The following DRG1 variants were observed in gnomAD, a reference collection of about 807,000 sequenced individuals.
DRG1 encodes the protein developmentally regulated GTP binding protein 1.
A neutral mutation model predicts 38.8 loss-of-function variants in DRG1; 19 were observed. The observed-to-expected ratio is 0.49, with a 90% confidence interval of 0.34 to 0.72. The LOEUF (loss-of-function observed/expected upper bound fraction) is 0.72, where lower values mean the gene tolerates loss of function less well. Ranked by LOEUF, DRG1 falls within the 30% of genes least tolerant of loss-of-function variation. The probability of loss-of-function intolerance (pLI) is 0.01; values close to 1 mark genes in which losing one functional copy is unlikely to be tolerated. For synonymous variants in DRG1, 167 were observed against 157.5 expected, an observed-to-expected ratio of 1.06 and a Z score of -0.45; for missense variants, 299 against 444.8, an observed-to-expected ratio of 0.67 and a Z score of 2.95.
rs529935656 is a variant in DRG1 at position 31,433,933 on chromosome 22, T to C, written c.1066T>C (p.Leu356=). The C allele has an allele frequency of 2.5e-6, 4 of 1,614,024 alleles. 1 individual carries two copies. Among genetic ancestry groups the C allele is most frequent in the Non-Finnish European group, 3.4e-6 (4 of 1,179,942 alleles). Residue 356 remains leucine, a synonymous_variant, in exon 9 of 9, where the codon TTG becomes CTG. Coordinates refer to ENST00000331457, the MANE Select transcript of DRG1 (RefSeq NM_004147.4). The part of the protein sequence containing the change: ...NPQKVGKDHT[L]EDEDVIQIVK... The stretch of plus-strand genomic sequence containing the variant: ...TCAGAAAGTGGGTAAAGACCATACG[T>C]TGGAGGATGAGGATGTCATTCAAAT...
chr22:31,424,618 C>G (rs2050097882), intron 6 of DRG1, among the ~76,000 whole-genome samples: 1 of 150,314 alleles, frequency 6.7e-6, no homozygotes, highest in Admixed American at 6.7e-5. Context: ...TCGGCCTCAG[C>G]CCCCTGAGTA....
chr22:31,429,089 T>G (rs1402642104), intron 8 of DRG1, among the ~76,000 whole-genome samples: 1 of 152,148 alleles, frequency 6.6e-6, no homozygotes, highest in Admixed American at 6.6e-5. Context: ...TCTCTTCAAA[T>G]TTTTGCCTGC....
intron 3 of DRG1, among the ~76,000 whole-genome samples, chr22:31,408,089 G>T (rs182671988): frequency 2.1e-3 from 304 of 143,562 alleles, no homozygotes; most frequent in Middle Eastern, 3.6e-3. Context: ...TCACACCACC[G>T]CACTCCAGCC....
chr22:31,411,382 G>A (rs2145862099), intron 4 of DRG1, among the ~76,000 whole-genome samples: 1 of 152,226 alleles, frequency 6.6e-6, no homozygotes, highest in South Asian at 2.1e-4. Flanking sequence ...CATTTTATAT[G>A]GCTGTCGTCT....
At position 31,400,698 on chromosome 22, in the gene DRG1, G is replaced by T. The variant is rs890578365; in HGVS notation, c.121G>T (p.Glu41Ter). 1 of 1,613,456 alleles carries T rather than the reference G, an allele frequency of 6.2e-7. No individual in the cohort carries two copies. Among genetic ancestry groups the T allele is most frequent in the South Asian group, 1.1e-5 (1 of 91,048 alleles). The part of the protein sequence containing the change: ...LKARLAKLRR[E>*]LITPKGGGGG... ...GGCTCGTCTTGCTAAGCTTCGTCGAGAACTCATTACTCCAAAGGGTGGTGG... is the reference window on the plus strand; with the variant it reads ...GGCTCGTCTTGCTAAGCTTCGTCGATAACTCATTACTCCAAAGGGTGGTGG... Residue 41 changes from glutamate to a stop codon, truncating the protein, a stop_gained, in exon 2 of 9, where the codon GAA becomes TAA. Transcript: ENST00000331457. LOFTEE classifies it high-confidence loss of function.
At chr22:31,423,733 G>A (rs181972672) in intron 6 of DRG1, among the ~76,000 whole-genome samples, 275 of 151,812 alleles carry the variant, frequency 1.8e-3, no homozygotes, top group Non-Finnish European at 3.1e-3. Context: ...CATCATGTTG[G>A]CCAGGCTGGT....
Position 31,399,691 on chromosome 22 carries a change from G to C in DRG1, c.8G>C (p.Ser3Thr). The C allele has an allele frequency of 6.2e-7, 1 of 1,614,054 alleles. No homozygotes were observed. Among genetic ancestry groups the C allele is most frequent in the Non-Finnish European group, 8.5e-7 (1 of 1,179,898 alleles). Reference protein sequence around the residue: MSSTLAKIAEIEA... With the variant: MSTTLAKIAEIEA... ...CACAGGGTACTCGCCACGATGAGCAGCACCTTAGCTAAGATCGCGGAGATA... is the reference window on the plus strand; with the variant it reads ...CACAGGGTACTCGCCACGATGAGCACCACCTTAGCTAAGATCGCGGAGATA... Residue 3 changes from serine to threonine, a missense_variant, in exon 1 of 9, where the codon AGC becomes ACC. By Grantham distance (58) the Ser-to-Thr change is moderately conservative. Around this residue, in one of 3 missense-constraint regions of DRG1, gnomAD observed 51 missense variants for 56.1 expected, o/e 0.91. Coordinates refer to ENST00000331457, the MANE Select transcript of DRG1 (RefSeq NM_004147.4).
chr22:31,432,016 A>G (rs902409226), intron 8 of DRG1, among the ~76,000 whole-genome samples: 10 of 151,448 alleles, frequency 6.6e-5, no homozygotes, highest in Admixed American at 2.6e-4. Context: ...CGAAGCAAAC[A>G]GGATTTTATT....
chr22:31,422,533 A>T (rs927732605), intron 5 of DRG1, among the ~76,000 whole-genome samples: 1 of 152,202 alleles, frequency 6.6e-6, no homozygotes, highest in Non-Finnish European at 1.5e-5. Context: ...AAGCCAAGTA[A>T]AGTGTTTCAC....
At chr22:31,417,001 C>T (rs937501178) in intron 4 of DRG1, among the ~76,000 whole-genome samples, 1 of 149,034 alleles carries the variant, frequency 6.7e-6, no homozygotes, top group Non-Finnish European at 1.5e-5. Context: ...GGAGGTCAAT[C>T]TGCAGTGAGC....
intron 7 of DRG1, 74 bp from the exon 8 acceptor site, chr22:31,426,986 A>T: frequency 6.3e-7 from 1 of 1,592,328 alleles, no homozygotes; most frequent in South Asian, 1.1e-5. Flanking sequence ...GTCAGGGGTG[A>T]TGGAGGGTTG....
chr22:31,400,032 ATGT>A (rs1017336817), intron 1 of DRG1, among the ~76,000 whole-genome samples: 5 of 151,498 alleles, frequency 3.3e-5, no homozygotes, highest in Admixed American at 1.3e-4. Flanking sequence ...TCCTGTTCTG[ATGT>A]TGTTTCTTTC....
chr22:31,415,642 G>A (rs926502635), intron 4 of DRG1, among the ~76,000 whole-genome samples: 1 of 152,112 alleles, frequency 6.6e-6, no homozygotes, highest in African/African-American at 2.4e-5. Flanking sequence ...GATTACAGGT[G>A]TGAGCACCTG....
intron 8 of DRG1, among the ~76,000 whole-genome samples, chr22:31,430,835 C>G (rs1315978020): frequency 6.6e-6 from 1 of 152,044 alleles, no homozygotes; most frequent in African/African-American, 2.4e-5. Flanking sequence ...CCTCCTACCT[C>G]AGTTTCTGAA....
chr22:31,432,462 G>C (rs2050144985), intron 8 of DRG1, among the ~76,000 whole-genome samples: 1 of 149,924 alleles, frequency 6.7e-6, no homozygotes, highest in African/African-American at 2.5e-5. Flanking sequence ...GAGAGACTCA[G>C]TCGCCCAGGC....
intron 4 of DRG1, among the ~76,000 whole-genome samples, chr22:31,414,796 T>C (rs796280286): frequency 6.6e-6 from 1 of 151,008 alleles, no homozygotes; most frequent in Non-Finnish European, 1.5e-5. Context: ...TTTTTTTTTT[T>C]AGAGATAGGA....
rs763438945 is a variant in DRG1, at chr22:31,426,775, G to T, written c.874G>T (p.Val292Leu). The T allele has an allele frequency of 1.9e-6, 3 of 1,613,896 alleles. No individual in the cohort carries two copies. In the African/African-American group the frequency reaches 4.0e-5, roughly 22 times the overall value. ...LEKIWDYLKL[V>L]RIYTKPKGQL... ...AAAGATCTGGGACTATCTGAAACTA[G>T]TGAGAATGTAAGTCTTTGTGGATAG... The change falls in exon 7 of 9, where the codon GTG becomes TTG. Residue 292 changes from valine (V) to leucine (L), a missense_variant. Val to Leu is a conservative substitution (Grantham distance 32). Transcript: ENST00000331457.
intron 5 of DRG1, 54 bp from the exon 6 acceptor site, chr22:31,423,226 A>G (rs5753609): frequency 0.31 from 493,701 of 1,603,004 alleles, 80,054 homozygotes; most frequent in East Asian, 0.58. Flanking sequence ...GGTACACTTG[A>G]CAAGTATTTT....
At chr22:31,407,372 C>A (rs537898141) in intron 3 of DRG1, among the ~76,000 whole-genome samples, 6 of 152,220 alleles carry the variant, frequency 3.9e-5, no homozygotes, top group African/African-American at 1.4e-4. Flanking sequence ...GCTCTGTCAC[C>A]CAGGCTGAAT....
Sources: gnomAD v4.1 joint callset for allele counts (sites outside exome capture counted in the v4.1 genomes callset) on GRCh38, gnomAD v4.1.1 for gene constraint, gnomAD v4.1.1 regional missense constraint, MANE v1.5 for transcripts, NCBI Gene and HGNC (gene_info 2026-07-23, HGNC 2026-07-21) for gene names.